CSMD1: variants seen among roughly 807,000 people sequenced by gnomAD.
The protein encoded by CSMD1 is CUB and sushi domain-containing protein 1.
A neutral mutation model predicts 417.5 loss-of-function variants in CSMD1; 213 were observed. The ratio of observed to expected loss-of-function variants is 0.51; its 90% confidence interval spans 0.46 to 0.57. The LOEUF (loss-of-function observed/expected upper bound fraction) is 0.57. Ranked by LOEUF, CSMD1 falls within the 20% of genes least tolerant of loss-of-function variation. The pLI is 0.00. For synonymous variants in CSMD1, 2,862 were observed against 1,736.8 expected (o/e 1.65, Z -16.11); for missense variants, 6,923 against 4,529.7 (o/e 1.53, Z -15.17).
intron 10 of CSMD1, 76 bp from the exon 11 acceptor site, chr8:3,493,802 T>C (rs1796238288): frequency 2.5e-5 from 31 of 1,249,990 alleles, no homozygotes; most frequent in Non-Finnish European, 3.4e-5. Flanking sequence ...TGCAAATATC[T>C]AGTTATACTG....
intron 1 of CSMD1, among the ~76,000 whole-genome samples, chr8:4,831,682 T>C (rs1266225585): frequency 6.6e-6 from 1 of 152,214 alleles, no homozygotes; most frequent in East Asian, 1.9e-4. Flanking sequence ...CATACTTCAA[T>C]GAAATGGTCA....
At chr8:3,670,578 G>GATATATATATTGC (rs1798946937) in intron 7 of CSMD1, among the ~76,000 whole-genome samples, 1 of 109,528 alleles carries the variant, frequency 9.1e-6, no homozygotes, top group South Asian at 3.1e-4. Context: ...ATATATATGG[G>GATATATATATTGC]ATATATATGG....
intron 5 of CSMD1, among the ~76,000 whole-genome samples, chr8:3,893,736 C>G (rs1260907441): frequency 2.0e-5 from 3 of 152,046 alleles, no homozygotes; most frequent in Non-Finnish European, 4.4e-5. Flanking sequence ...TAAGCATTAA[C>G]ATTCGCTTTG....
At chr8:3,912,735 G>A (rs1451063058) in intron 5 of CSMD1, among the ~76,000 whole-genome samples, 1 of 152,166 alleles carries the variant, frequency 6.6e-6, no homozygotes. Context: ...AGATGAGCCT[G>A]AAGAGGCAGA....
At chr8:4,905,623 T>C (rs576236054) in intron 1 of CSMD1, among the ~76,000 whole-genome samples, 1,528 of 151,592 alleles carry the variant, frequency 0.01, 18 homozygotes, top group African/African-American at 0.034. Flanking sequence ...ATCGAGGCCA[T>C]CCTGGCTAAC....
chr8:3,706,027 G>C (rs545932437), intron 7 of CSMD1, among the ~76,000 whole-genome samples: 3 of 152,348 alleles, frequency 2.0e-5, no homozygotes, highest in East Asian at 1.9e-4. Context: ...GTGCTGAAGA[G>C]GAAACGGGGC....
intron 1 of CSMD1, among the ~76,000 whole-genome samples, chr8:4,985,953 G>C (rs1053955850): frequency 2.6e-5 from 4 of 152,150 alleles, no homozygotes; most frequent in Non-Finnish European, 5.9e-5. Flanking sequence ...TTAGTTTCTT[G>C]TAAAAATGTG....
intron 10 of CSMD1, among the ~76,000 whole-genome samples, chr8:3,498,303 TGTG>T: frequency 6.6e-6 from 1 of 152,210 alleles, no homozygotes; most frequent in East Asian, 1.9e-4. Context: ...TGGAGGTATA[TGTG>T]GTACTTTGAT....
At chr8:3,704,947 GTGTT>G (rs1801083691) in intron 7 of CSMD1, 1 of 152,234 alleles carries the variant, frequency 6.6e-6, no homozygotes, top group Admixed American at 6.5e-5. Flanking sequence ...GCTTTGCCCA[GTGTT>G]TGTTTTTACT....
At chr8:3,567,774 C>T (rs1473131995) in intron 10 of CSMD1, among the ~76,000 whole-genome samples, 1 of 152,160 alleles carries the variant, frequency 6.6e-6, no homozygotes, top group Non-Finnish European at 1.5e-5. Flanking sequence ...CCTTCCCTCA[C>T]ACCCTCTGCT....
intron 3 of CSMD1, among the ~76,000 whole-genome samples, chr8:4,278,654 G>A (rs987044798): frequency 2.0e-5 from 3 of 152,084 alleles, no homozygotes; most frequent in Non-Finnish European, 4.4e-5. Flanking sequence ...ATAAAGTGTA[G>A]CTTTTTATTA....
At chr8:3,461,083 G>A (rs1345387677) in intron 12 of CSMD1, among the ~76,000 whole-genome samples, 2 of 152,132 alleles carry the variant, frequency 1.3e-5, no homozygotes, top group Non-Finnish European at 2.9e-5. Flanking sequence ...CCCTTGCATG[G>A]GCCTCACCGC....
chr8:4,665,647 T>A (rs188094962), intron 1 of CSMD1, among the ~76,000 whole-genome samples: 2 of 152,278 alleles, frequency 1.3e-5, no homozygotes, highest in Admixed American at 1.3e-4. Flanking sequence ...TATTCCACGT[T>A]AGCATAACGC....
At chr8:3,533,763 T>A (rs1798075397) in intron 10 of CSMD1, among the ~76,000 whole-genome samples, 1 of 152,210 alleles carries the variant, frequency 6.6e-6, no homozygotes. Context: ...GCATCTCTTT[T>A]ACTTTCCTTA....
At chr8:3,730,335 A>G (rs1802770267) in intron 6 of CSMD1, among the ~76,000 whole-genome samples, 1 of 150,078 alleles carries the variant, frequency 6.7e-6, no homozygotes, top group Non-Finnish European at 1.5e-5. Flanking sequence ...ACACTGATGC[A>G]TTCTCCTCAT....
chr8:3,817,671 T>C (rs1801464711), intron 5 of CSMD1, among the ~76,000 whole-genome samples: 1 of 152,138 alleles, frequency 6.6e-6, no homozygotes. Flanking sequence ...AAAGCTCTTC[T>C]TTAATGGAAC....
intron 2 of CSMD1, among the ~76,000 whole-genome samples, chr8:4,620,165 C>T (rs1474236004): frequency 6.6e-6 from 1 of 151,626 alleles, no homozygotes; most frequent in African/African-American, 2.4e-5. Flanking sequence ...AAAGATATGT[C>T]TCCATTGTGT....
In CSMD1 at chr8:4,823,311, A is replaced by G. The variant is rs534855949; in HGVS notation, c.85+171021T>C. Among the ~76,000 whole-genome samples the G allele has an allele frequency of 2.0e-5, 3 of 152,164 alleles. No homozygotes were observed. In the East Asian group the frequency reaches 5.8e-4, roughly 29 times the overall value. On this transcript the variant is annotated intron_variant, in intron 1 of 69. Coordinates refer to ENST00000635120, the MANE Select transcript of CSMD1 (RefSeq NM_033225.6). ...CAATTAATTATTTTTTCCAGATTTT[A>G]GTTCTGTGATGACTTAGTTTTTAAA... is the stretch of plus-strand genomic sequence containing the variant.
chr8:4,181,012 C>T (rs144210390), intron 3 of CSMD1, among the ~76,000 whole-genome samples: 21 of 151,990 alleles, frequency 1.4e-4, no homozygotes, highest in African/African-American at 5.1e-4. Flanking sequence ...GGAATAAAAG[C>T]AAAAAAGTCC....
Sources: allele counts gnomAD v4.1 joint callset (sites outside exome capture counted in the v4.1 genomes callset), GRCh38; gene constraint gnomAD v4.1.1; transcripts MANE v1.5; gene names NCBI Gene and HGNC (gene_info 2026-07-23, HGNC 2026-07-21).